The following FMO4 variants were observed in gnomAD, a reference collection of about 807,000 sequenced individuals.
FMO4 encodes dimethylaniline monooxygenase [N-oxide-forming] 4.
In FMO4, 38 loss-of-function variants were observed where a neutral mutation model predicts 43.3. That is an observed-to-expected ratio of 0.88 (90% CI 0.68 to 1.15). The LOEUF is 1.15. Among genes scored for constraint, FMO4 ranks in the 50% most tolerant of loss-of-function variants. The pLI is 0.00. For synonymous variants in FMO4, 224 were observed against 232.2 expected (o/e 0.96, Z 0.32); for missense variants, 631 against 663.3 (o/e 0.95, Z 0.54).
chr1:171,322,639 C>T (rs536664881), intron 3 of FMO4, among the ~76,000 whole-genome samples: 103 of 152,060 alleles, frequency 6.8e-4, no homozygotes, highest in African/African-American at 2.3e-3. Context: ...GATCACTTGA[C>T]GCCAGGAGTT....
intron 3 of FMO4, among the ~76,000 whole-genome samples, chr1:171,322,124 T>C (rs1404138653): frequency 3.3e-5 from 5 of 152,138 alleles, no homozygotes; most frequent in African/African-American, 7.2e-5. Flanking sequence ...TCTATGAAGA[T>C]TGAGATAGGA....
intron 8 of FMO4, among the ~76,000 whole-genome samples, chr1:171,335,247 A>G (rs1275552129): frequency 2.6e-5 from 4 of 152,238 alleles, no homozygotes; most frequent in Non-Finnish European, 4.4e-5. Context: ...AGAGCTACGG[A>G]GGTCCAATCC....
chr1:171,327,778 T>G (rs1455961898), intron 5 of FMO4, among the ~76,000 whole-genome samples: 1 of 152,000 alleles, frequency 6.6e-6, no homozygotes, highest in Admixed American at 6.6e-5. Context: ...TAGCCAGGCA[T>G]GGTGGCATGT....
At chr1:171,319,676 G>T in intron 2 of FMO4, 142 bp from the exon 3 acceptor site, 1 of 656,554 alleles carries the variant, frequency 1.5e-6, no homozygotes, top group Non-Finnish European at 2.6e-6. Flanking sequence ...TCAGAGCCTG[G>T]ATTTTTAAGC....
chr1:171,324,169 A>G lies in FMO4; in HGVS notation c.353A>G (p.Asp118Gly), dbSNP rs376891289. The change falls in exon 5 of 10, where the codon GAC becomes GGC. Residue 118 changes from aspartate to glycine, a missense_variant. Coordinates refer to ENST00000367749, the MANE Select transcript of FMO4 (RefSeq NM_002022.3). ...GTGTGCAGCATAACGAAGCGTCCAG[A>G]CTTCTCCGAAACTGGTCAGTGGGAT... The part of the protein sequence containing the change: ...TTVCSITKRP[D>G]FSETGQWDVV... The G allele has an allele frequency of 8.4e-5, 135 of 1,613,420 alleles. No individual in the cohort carries two copies. The highest frequency in any genetic ancestry group is 5.3e-4 in the Admixed American group (32 of 59,864).
intron 5 of FMO4, among the ~76,000 whole-genome samples, chr1:171,326,785 ATG>A (rs1295109795): frequency 6.6e-6 from 1 of 152,236 alleles, no homozygotes; most frequent in Non-Finnish European, 1.5e-5. Flanking sequence ...GGAGAGTGAC[ATG>A]TGACTGCTGT....
chr1:171,318,307 A>T (rs776412540), intron 2 of FMO4, among the ~76,000 whole-genome samples: 2 of 145,846 alleles, frequency 1.4e-5, no homozygotes, highest in Non-Finnish European at 2.9e-5. Flanking sequence ...ACAGAGCAAG[A>T]CTGTCTCAAA....
At chr1:171,320,347 G>A (rs949275175) in intron 3 of FMO4, among the ~76,000 whole-genome samples, 1 of 152,170 alleles carries the variant, frequency 6.6e-6, no homozygotes, top group African/African-American at 2.4e-5. Flanking sequence ...TTGGCAACAG[G>A]GAGTGGAACC....
intron 8 of FMO4, among the ~76,000 whole-genome samples, 178 bp downstream of exon 8, chr1:171,334,941 A>G (rs1435262544): frequency 6.6e-6 from 1 of 152,244 alleles, no homozygotes; most frequent in African/African-American, 2.4e-5. Context: ...ACTGAATAGG[A>G]AAAGAGATTT....
chr1:171,339,056 C>CTG lies in FMO4; in HGVS notation c.1250+1632_1250+1633dup, dbSNP rs936232751. 3.6e-4 allele frequency among the ~76,000 whole-genome samples: 55 copies of CTG among 152,276 alleles called. 1 individual carries two copies. Among genetic ancestry groups the CTG allele is most frequent in the African/African-American group, 1.3e-3 (55 of 41,558 alleles). ...AGGAATAAGTAAATAAGTAAGTTTA[C>CTG]TGACAGAAATAGGTATGAATAATGC... On this transcript the variant is annotated intron_variant, in intron 9 of 9. Coordinates refer to ENST00000367749, the MANE Select transcript of FMO4 (RefSeq NM_002022.3).
At chr1:171,339,131 G>A (rs1418505334) in intron 9 of FMO4, among the ~76,000 whole-genome samples, 3 of 152,100 alleles carry the variant, frequency 2.0e-5, no homozygotes, top group Non-Finnish European at 2.9e-5. Context: ...TTCAGTCCAC[G>A]TACACCAAGT....
At chr1:171,328,710 C>A (rs1278883796) in intron 5 of FMO4, among the ~76,000 whole-genome samples, 3 of 151,630 alleles carry the variant, frequency 2.0e-5, no homozygotes, top group African/African-American at 7.3e-5. Flanking sequence ...ATTCCTTAGA[C>A]CTTAGACCTA....
chr1:171,341,997 T>C lies in FMO4; in HGVS notation c.*158T>C, dbSNP rs1051760198. On this transcript the variant is annotated 3_prime_UTR_variant, in exon 10 of 10. Transcript: ENST00000367749. ...GTATTATCTTCTTCTTTGTTTTCAG[T>C]ACCCTCTTTCTTGCCACCCTTTCCA... 4.9e-6 allele frequency: 3 copies of C among 609,578 alleles called. No homozygotes were observed. Among genetic ancestry groups the C allele is most frequent in the Admixed American group, 6.1e-5 (2 of 32,842 alleles). The allele number at this position is 609,578 out of a possible 1,614,324, so 37.8% of individuals were successfully genotyped here. A position where few individuals can be genotyped will look rare whatever the true frequency, so the allele number is the denominator to read the frequency against.
At chr1:171,333,115 G>C (rs1201354779) in intron 7 of FMO4, 2 of 422,780 alleles carry the variant, frequency 4.7e-6, no homozygotes, top group Non-Finnish European at 8.4e-6. Flanking sequence ...AGTGATTCAT[G>C]AGGCTGGAAG....
intron 9 of FMO4, among the ~76,000 whole-genome samples, chr1:171,337,810 C>T (rs1329005313): frequency 6.6e-6 from 1 of 152,106 alleles, no homozygotes; most frequent in Non-Finnish European, 1.5e-5. Context: ...GTCCTCAGGC[C>T]TCTTCTCATT....
At chr1:171,322,649 TA>T (rs1662481656) in intron 3 of FMO4, among the ~76,000 whole-genome samples, 1 of 152,110 alleles carries the variant, frequency 6.6e-6, no homozygotes, top group African/African-American at 2.4e-5. Flanking sequence ...CGCCAGGAGT[TA>T]GACACCAGCC....
Position 171,334,414 on chromosome 1 carries a change from A to T in FMO4, c.831A>T (p.Lys277Asn). The change falls in exon 8 of 10, where the codon AAA (lysine) becomes AAT (asparagine). Residue 277 changes from lysine to asparagine, a missense_variant. By Grantham distance (94) the Lys-to-Asn change is moderately conservative. Transcript: ENST00000367749. ...EDYGLSITKG[K>N]KAKFIVNDEL... ...AATTTTCTCCTGTGTGTCAAAGGAA[A>T]AAAGCAAAATTCATTGTGAATGATG... The T allele has an allele frequency of 6.4e-7, 1 of 1,561,688 alleles. No homozygotes were observed. The highest frequency in any genetic ancestry group is 2.3e-5 in the East Asian group (1 of 44,288).
Position 171,332,758 on chromosome 1 carries a change from AT to A in FMO4, c.679del (p.Trp227GlyfsTer7). The A allele has an allele frequency of 1.9e-6, 3 of 1,611,932 alleles. No homozygotes were observed. The highest frequency in any genetic ancestry group is 2.5e-6 in the Non-Finnish European group (3 of 1,178,130). On this transcript the variant is annotated frameshift_variant, in exon 7 of 10. Coordinates refer to ENST00000367749, the MANE Select transcript of FMO4 (RefSeq NM_002022.3). LOFTEE classifies it high-confidence loss of function. ...TGTWVLGRSS[D>X]WGYPYNMMVT... The stretch of plus-strand genomic sequence containing the variant: ...ACCTGGGTTCTTGGGCGCTCTTCAG[AT>A]TGGGGCTATCCTTATAATATGATGG...
chr1:171,324,845 G>T (rs1258194461), intron 5 of FMO4, among the ~76,000 whole-genome samples: 5 of 152,122 alleles, frequency 3.3e-5, no homozygotes, highest in Non-Finnish European at 7.3e-5. Flanking sequence ...TCTTTGGCTG[G>T]GCATAGCGGT....
Sources: gnomAD v4.1 joint callset for allele counts (sites outside exome capture counted in the v4.1 genomes callset) on GRCh38, gnomAD v4.1.1 for gene constraint, MANE v1.5 for transcripts, NCBI Gene and HGNC (gene_info 2026-07-23, HGNC 2026-07-21) for gene names.